CIMIP6: variants seen among roughly 807,000 people sequenced by gnomAD.
The protein encoded by CIMIP6 is ciliary microtubule inner protein 6.
At chr2:54,370,600 C>T in the CIMIP6 span, among the ~76,000 whole-genome samples, 8 of 152,168 alleles carry the variant, frequency 5.3e-5, no homozygotes, top group African/African-American at 1.4e-4. Context: ...AGTAGTTCTG[C>T]CTAGTGACTC....
chr2:54,335,068 G>C, the CIMIP6 span: 1 of 1,463,616 alleles, frequency 6.8e-7, no homozygotes, highest in Non-Finnish European at 9.3e-7. Context: ...TTTAGATTCA[G>C]ATGCTGTTTT....
At chr2:54,349,833 G>T in the CIMIP6 span, among the ~76,000 whole-genome samples, 1 of 150,984 alleles carries the variant, frequency 6.6e-6, no homozygotes, top group Middle Eastern at 3.4e-3. Flanking sequence ...CTTTATTTCC[G>T]TGATGAAAAA....
the CIMIP6 span, among the ~76,000 whole-genome samples, chr2:54,370,663 G>A: frequency 4.3e-4 from 65 of 152,286 alleles, no homozygotes; most frequent in South Asian, 1.2e-3. Context: ...GCAGCCTGTT[G>A]ATCTTTAGGA....
At chr2:54,375,407 A>G in the CIMIP6 span, among the ~76,000 whole-genome samples, 3 of 152,232 alleles carry the variant, frequency 2.0e-5, no homozygotes, top group African/African-American at 4.8e-5. Context: ...ATTGCAAAGG[A>G]TGAACAAAAT....
chr2:54,381,175 G>C, the CIMIP6 span, among the ~76,000 whole-genome samples: 1 of 152,080 alleles, frequency 6.6e-6, no homozygotes, highest in Non-Finnish European at 1.5e-5. Flanking sequence ...TTCAAGGCCT[G>C]GTCCTGCCCC....
At chr2:54,363,226 G>C in the CIMIP6 span, among the ~76,000 whole-genome samples, 1 of 152,100 alleles carries the variant, frequency 6.6e-6, no homozygotes, top group African/African-American at 2.4e-5. Context: ...TGGTTTCCAG[G>C]TTATTATCAG....
chr2:54,333,510 G>A, the CIMIP6 span, among the ~76,000 whole-genome samples: 2 of 152,122 alleles, frequency 1.3e-5, no homozygotes, highest in Non-Finnish European at 2.9e-5. Flanking sequence ...GTTCACTGGG[G>A]CAAGTCACAC....
the CIMIP6 span, among the ~76,000 whole-genome samples, chr2:54,363,288 G>A: frequency 1.3e-5 from 2 of 152,204 alleles, no homozygotes; most frequent in Admixed American, 1.3e-4. Context: ...GTAGACAGGA[G>A]CTGAACATGA....
At chr2:54,337,646 T>A in the CIMIP6 span, among the ~76,000 whole-genome samples, 1 of 152,208 alleles carries the variant, frequency 6.6e-6, no homozygotes, top group African/African-American at 2.4e-5. Flanking sequence ...TCCCAACTAA[T>A]TTTCTCTTAC....
At chr2:54,381,945 G>T in the CIMIP6 span, 1 of 1,548,704 alleles carries the variant, frequency 6.5e-7, no homozygotes, top group East Asian at 2.5e-5. Flanking sequence ...TTTTTTAGGT[G>T]GTTTCATGCC....
the CIMIP6 span, among the ~76,000 whole-genome samples, chr2:54,349,190 TAAC>T: frequency 1.2e-4 from 19 of 152,206 alleles, no homozygotes; most frequent in Non-Finnish European, 2.1e-4. Context: ...CACCAAAATG[TAAC>T]AACAATTTTT....
the CIMIP6 span, among the ~76,000 whole-genome samples, chr2:54,372,407 T>G: frequency 1.3e-5 from 2 of 152,168 alleles, no homozygotes; most frequent in African/African-American, 4.8e-5. Context: ...CTCATCGTGG[T>G]GGTTGTAAAA....
At chr2:54,355,504 G>A in the CIMIP6 span, among the ~76,000 whole-genome samples, 1 of 152,068 alleles carries the variant, frequency 6.6e-6, no homozygotes, top group Admixed American at 6.6e-5. Flanking sequence ...AATCTGAGGT[G>A]TTTGAGCTTT....
chr2:54,379,699 A>C, the CIMIP6 span, among the ~76,000 whole-genome samples: 4 of 152,032 alleles, frequency 2.6e-5, no homozygotes, highest in East Asian at 7.7e-4. Flanking sequence ...TAAGTTGGCC[A>C]GGCATGGTGA....
chr2:54,349,198 A>AT, the CIMIP6 span, among the ~76,000 whole-genome samples: 1 of 152,130 alleles, frequency 6.6e-6, no homozygotes. Flanking sequence ...TGTAACAACA[A>AT]TTTTTTGCTA....
the CIMIP6 span, among the ~76,000 whole-genome samples, chr2:54,365,703 A>G: frequency 6.6e-6 from 1 of 152,160 alleles, no homozygotes; most frequent in African/African-American, 2.4e-5. Flanking sequence ...ACCATGAGCC[A>G]ATTAAACCTC....
At chr2:54,341,508 A>G in the CIMIP6 span, among the ~76,000 whole-genome samples, 34 of 152,338 alleles carry the variant, frequency 2.2e-4, 1 homozygote, top group Middle Eastern at 3.4e-3. Context: ...GTAGCAGCAC[A>G]AAACAGACTA....
the CIMIP6 span, chr2:54,381,867 C>T: frequency 6.5e-7 from 1 of 1,546,460 alleles, no homozygotes; most frequent in African/African-American, 1.4e-5. Context: ...AGAAAAGGAG[C>T]CAAGACTGTA....
chr2:54,336,955 G>T, the CIMIP6 span, among the ~76,000 whole-genome samples: 2 of 152,208 alleles, frequency 1.3e-5, no homozygotes, highest in Admixed American at 1.3e-4. Context: ...CTGAGAGCAG[G>T]ATTCTATGAG....
Sources: gnomAD v4.1 joint callset for allele counts (sites outside exome capture counted in the v4.1 genomes callset) on GRCh38, gnomAD v4.1.1 for gene constraint, MANE v1.5 for transcripts, NCBI Gene and HGNC (gene_info 2026-07-23, HGNC 2026-07-21) for gene names.